Variants in IL7 observed in about 807,000 individuals in gnomAD.
IL7 encodes interleukin 7.
A neutral mutation model predicts 21.6 loss-of-function variants in IL7; 3 were observed. That is an observed-to-expected ratio of 0.14 (90% CI 0.06 to 0.36). The LOEUF is 0.36. Ranked by LOEUF, IL7 falls within the 10% of genes least tolerant of loss-of-function variation. The pLI is 1.00. For synonymous variants in IL7, 62 were observed against 68.1 expected (o/e 0.91, Z 0.44); for missense variants, 175 against 200.2 (o/e 0.87, Z 0.76).
chr8:78,723,450 A>G (rs1332771011), intron 3 of IL7, among the ~76,000 whole-genome samples: 1 of 152,016 alleles, frequency 6.6e-6, no homozygotes, highest in Non-Finnish European at 1.5e-5. Flanking sequence ...AAACTCTGAC[A>G]TGCTTGGCAT....
At chr8:78,753,982 TG>T (rs1278876412) in intron 2 of IL7, among the ~76,000 whole-genome samples, 3 of 152,088 alleles carry the variant, frequency 2.0e-5, no homozygotes, top group African/African-American at 7.2e-5. Flanking sequence ...CTTTGAAAAC[TG>T]GTACAAAACA....
intron 2 of IL7, among the ~76,000 whole-genome samples, chr8:78,755,475 A>G (rs1447150496): frequency 6.6e-6 from 1 of 151,966 alleles, no homozygotes; most frequent in African/African-American, 2.4e-5. Context: ...ATATCTTTAC[A>G]GTTGTTTGTA....
At chr8:78,740,503 A>G (rs752224978) in intron 2 of IL7, among the ~76,000 whole-genome samples, 9 of 152,242 alleles carry the variant, frequency 5.9e-5, no homozygotes, top group Non-Finnish European at 1.2e-4. Flanking sequence ...TATTAGAATG[A>G]AGGGATCCAT....
chr8:78,675,838 G>A (rs753007013), exon 5 of IL7: 14 of 1,611,374 alleles, frequency 8.7e-6, no homozygotes, highest in Non-Finnish European at 1.2e-5. Flanking sequence ...AAGATTTGTG[G>A]AAGAACATTC....
intron 3 of IL7, chr8:78,712,252 GA>G: frequency 2.7e-6 from 1 of 364,344 alleles, no homozygotes; most frequent in South Asian, 2.6e-5. Context: ...AATAATCTAG[GA>G]TTTAAAACAT....
chr8:78,783,497 C>T lies in IL7; in HGVS notation c.147+14575G>A, dbSNP rs183324094. 2.0e-5 allele frequency among the ~76,000 whole-genome samples: 3 copies of T among 152,234 alleles called. 1 individual carries two copies. Among genetic ancestry groups the T allele is most frequent in the Admixed American group, 6.5e-5 (1 of 15,280 alleles). On this transcript the variant is annotated intron_variant, in intron 2 of 5. Coordinates refer to ENST00000263851, the MANE Select transcript of IL7 (RefSeq NM_000880.4). Reference sequence around the variant, plus strand: ...ATTCACTTGCTGTTTTTGTTATTCTCGGTGGAGGCCTCCAACTGCAACTGT... The same window carrying T: ...ATTCACTTGCTGTTTTTGTTATTCTTGGTGGAGGCCTCCAACTGCAACTGT...
At chr8:78,750,034 A>G (rs974531267) in intron 2 of IL7, among the ~76,000 whole-genome samples, 28 of 150,140 alleles carry the variant, frequency 1.9e-4, no homozygotes, top group African/African-American at 6.9e-4. Flanking sequence ...CCCTGTCTCA[A>G]AAAAAAAATA....
chr8:78,804,870 C>A (rs1287234074), intron 1 of IL7, 43 bp downstream of exon 1: 4 of 1,611,468 alleles, frequency 2.5e-6, no homozygotes, highest in Middle Eastern at 1.7e-4. Flanking sequence ...TGCCCCGGCG[C>A]GTCGGGCGCG....
downstream of IL7, chr8:78,715,100 CTT>C: frequency 1.3e-6 from 1 of 797,902 alleles, no homozygotes; most frequent in Non-Finnish European, 1.9e-6. Context: ...ATTATTGGGA[CTT>C]TAATCTTTTG....
At chr8:78,762,071 A>G (rs1812579241) in intron 2 of IL7, 1 of 1,603,524 alleles carries the variant, frequency 6.2e-7, no homozygotes, top group African/African-American at 1.3e-5. Flanking sequence ...AGTTTCATCA[A>G]TTTTTTTCTG....
At chr8:78,687,649 C>CATTATATATATTTAT (rs1810044233) in intron 3 of IL7, among the ~76,000 whole-genome samples, 1 of 56,492 alleles carries the variant, frequency 1.8e-5, no homozygotes, top group African/African-American at 5.1e-5. Context: ...TATATATTTA[C>CATTATATATATTTAT]GTAATACATT....
rs991102286 is a variant in IL7 at position 78,738,394 on chromosome 8, T to C, written c.360+110A>G. On this transcript the variant is annotated intron_variant, in intron 4 of 5. Coordinates refer to ENST00000263851, the MANE Select transcript of IL7 (RefSeq NM_000880.4). ...GTAAACATACTTCAACTTTAGATGA[T>C]AATAAACACTTAGGATTCTATGATA... 7.6e-6 allele frequency: 7 copies of C among 920,680 alleles called. No individual in the cohort carries two copies. In the African/African-American group the frequency reaches 1.0e-4, roughly 13 times the overall value. 57.0% of individuals were successfully genotyped at this position (920,680 alleles called of 1,614,324 possible).
intron 2 of IL7, among the ~76,000 whole-genome samples, chr8:78,790,379 C>T (rs927985364): frequency 8.6e-5 from 13 of 151,878 alleles, no homozygotes; most frequent in African/African-American, 2.9e-4. Context: ...TCAAAAAGTA[C>T]CTGATATTTA....
chr8:78,690,341 C>T (rs987826884), intron 3 of IL7, among the ~76,000 whole-genome samples: 7 of 152,102 alleles, frequency 4.6e-5, no homozygotes, highest in East Asian at 1.9e-4. Flanking sequence ...GGGCAGATCA[C>T]GATTGTCAGG....
At chr8:78,678,575 C>T (rs1809661089) in intron 4 of IL7, 6 of 1,609,162 alleles carry the variant, frequency 3.7e-6, no homozygotes, top group South Asian at 1.1e-5. Context: ...AAAACATGGA[C>T]CCATTTGCCA....
intron 3 of IL7, among the ~76,000 whole-genome samples, chr8:78,706,437 G>A (rs762993365): frequency 1.3e-5 from 2 of 152,156 alleles, no homozygotes; most frequent in Non-Finnish European, 2.9e-5. Flanking sequence ...ATGTCAGACT[G>A]AAGGCTCTAG....
chr8:78,677,913 C>A (rs535248374), intron 4 of IL7, among the ~76,000 whole-genome samples: 7 of 152,276 alleles, frequency 4.6e-5, no homozygotes, highest in African/African-American at 1.7e-4. Flanking sequence ...ATGGTTATTT[C>A]TTGATGATAT....
chr8:78,770,686 C>T (rs189733229), intron 2 of IL7, among the ~76,000 whole-genome samples: 61 of 152,032 alleles, frequency 4.0e-4, no homozygotes, highest in Admixed American at 6.6e-4. Context: ...TGCAAAGACA[C>T]GCACACACAC....
intron 3 of IL7, among the ~76,000 whole-genome samples, chr8:78,686,268 C>T (rs1809967842): frequency 6.6e-6 from 1 of 152,058 alleles, no homozygotes; most frequent in Non-Finnish European, 1.5e-5. Flanking sequence ...ATGACACTTA[C>T]ATTAAGAAAT....
Sources: gnomAD v4.1 joint callset for allele counts (sites outside exome capture counted in the v4.1 genomes callset) on GRCh38, gnomAD v4.1.1 for gene constraint, MANE v1.5 for transcripts, NCBI Gene and HGNC (gene_info 2026-07-23, HGNC 2026-07-21) for gene names.